Variants in MGAT5 observed in about 807,000 individuals in gnomAD.
The protein encoded by MGAT5 is alpha-1,6-mannosylglycoprotein 6-beta-N-acetylglucosaminyltransferase.
In MGAT5, 30 loss-of-function variants were observed where a neutral mutation model predicts 94.3. That is an observed-to-expected ratio of 0.32 (90% CI 0.24 to 0.43). The LOEUF is 0.43. Among genes scored for constraint, MGAT5 ranks in the 20% least tolerant of loss-of-function variants. MGAT5 has a pLI of 1.00. For missense variants in MGAT5, 691 were observed against 905.5 expected, an observed-to-expected ratio of 0.76 and a Z score of 3.04; for synonymous variants, 310 against 322.9, an observed-to-expected ratio of 0.96 and a Z score of 0.43.
intron 1 of MGAT5, among the ~76,000 whole-genome samples, chr2:134,237,298 G>A (rs1357874218): frequency 6.6e-6 from 1 of 152,146 alleles, no homozygotes; most frequent in Non-Finnish European, 1.5e-5. Flanking sequence ...CAGCCATTCT[G>A]GATTCTACTC....
At chr2:134,378,617 C>CT (rs70973450) in intron 10 of MGAT5, among the ~76,000 whole-genome samples, 70,507 of 139,618 alleles carry the variant, frequency 0.5, 19,488 homozygotes, top group African/African-American at 0.71. Context: ...ATCTGGATTA[C>CT]TTTTTTTTTT....
intron 1 of MGAT5, among the ~76,000 whole-genome samples, chr2:134,140,244 G>C (rs1158048590): frequency 1.3e-5 from 2 of 152,248 alleles, no homozygotes; most frequent in African/African-American, 4.8e-5. Flanking sequence ...AGAGAGGCAT[G>C]AGAAGGCAAA....
In MGAT5 at chr2:134,167,499, T is replaced by G. The variant is rs1019038900; in HGVS notation, c.-143+47208T>G. Among the ~76,000 whole-genome samples, 85 of 152,140 alleles carry G rather than the reference T, an allele frequency of 5.6e-4. 1 individual carries two copies. The highest frequency in any genetic ancestry group is 2.0e-3 in the African/African-American group (81 of 41,500). Reference sequence around the variant, plus strand: ...CCGATTGAGTGGGCCTGTGGCAGGGTCTTAGATTTTTGCATTCATACCTTC... The same window carrying G: ...CCGATTGAGTGGGCCTGTGGCAGGGGCTTAGATTTTTGCATTCATACCTTC... On this transcript the variant is annotated intron_variant, in intron 1 of 16. Coordinates refer to the MGAT5 transcript ENST00000409645.
chr2:134,392,258 A>G (rs983086202), intron 10 of MGAT5, among the ~76,000 whole-genome samples: 1 of 152,204 alleles, frequency 6.6e-6, no homozygotes, highest in Non-Finnish European at 1.5e-5. Context: ...TTTAGATTGG[A>G]AGGTACTCTA....
intron 2 of MGAT5, among the ~76,000 whole-genome samples, chr2:134,313,038 A>C (rs1686776293): frequency 9.3e-4 from 1 of 1,080 alleles, no homozygotes; most frequent in African/African-American, 1.5e-3. Context: ...CAAGAAATAA[A>C]CACACACACA....
chr2:134,269,907 A>C (rs534350068), intron 1 of MGAT5, among the ~76,000 whole-genome samples: 1 of 152,266 alleles, frequency 6.6e-6, no homozygotes, highest in Non-Finnish European at 1.5e-5. Flanking sequence ...TGTAGCTTTT[A>C]TGAAGTGTTA....
chr2:134,358,260 A>G (rs746787569), intron 9 of MGAT5, among the ~76,000 whole-genome samples: 2 of 151,124 alleles, frequency 1.3e-5, no homozygotes, highest in Non-Finnish European at 2.9e-5. Flanking sequence ...ATAATTCAAT[A>G]TTTTGAGGGG....
chr2:134,437,608 C>T (rs1030346285), intron 14 of MGAT5, among the ~76,000 whole-genome samples: 14 of 152,132 alleles, frequency 9.2e-5, no homozygotes, highest in African/African-American at 3.1e-4. Context: ...GTCTAGATTT[C>T]CCGGTTGACT....
At chr2:134,344,124 A>C (rs547686820) in intron 7 of MGAT5, among the ~76,000 whole-genome samples, 6 of 152,336 alleles carry the variant, frequency 3.9e-5, no homozygotes, top group Admixed American at 3.3e-4. Flanking sequence ...GATAAGCAAC[A>C]GTGGTGACTG....
chr2:134,235,821 AT>A (rs1456207794), intron 1 of MGAT5, among the ~76,000 whole-genome samples: 2 of 151,470 alleles, frequency 1.3e-5, no homozygotes, highest in Non-Finnish European at 2.9e-5. Context: ...GATTTAGTGT[AT>A]TTGAGGCAAG....
upstream of MGAT5, among the ~76,000 whole-genome samples, chr2:134,249,950 A>C (rs1280095069): frequency 2.0e-5 from 3 of 152,206 alleles, no homozygotes; most frequent in Admixed American, 6.5e-5. Context: ...TGTCCTTATG[A>C]GTGTGAAGTT....
chr2:134,224,686 T>G (rs1680964363), intron 1 of MGAT5, among the ~76,000 whole-genome samples: 1 of 151,578 alleles, frequency 6.6e-6, no homozygotes, highest in African/African-American at 2.4e-5. Flanking sequence ...TGGTAGAGAG[T>G]TTTCTGCCTG....
chr2:134,296,053 T>C lies in MGAT5; in HGVS notation c.407-21476T>C, dbSNP rs963983398. On this transcript the variant is annotated intron_variant, in intron 2 of 15. Transcript: ENST00000281923. Reference sequence around the variant, plus strand: ...CAAACATGTTTGTTCTTATTTGAATTTTGACTCTTGAAATACTGTGATCTT... The same window carrying C: ...CAAACATGTTTGTTCTTATTTGAATCTTGACTCTTGAAATACTGTGATCTT... Among the ~76,000 whole-genome samples, 58 of 152,144 alleles carry C rather than the reference T, an allele frequency of 3.8e-4. 1 individual carries two copies. Among genetic ancestry groups the C allele is most frequent in the African/African-American group, 1.4e-3 (57 of 41,440 alleles).
intron 10 of MGAT5, among the ~76,000 whole-genome samples, chr2:134,378,197 T>C (rs1681306553): frequency 6.6e-6 from 1 of 152,188 alleles, no homozygotes; most frequent in South Asian, 2.1e-4. Context: ...GGAAGTGTTT[T>C]ATATCTGGTT....
chr2:134,170,169 A>G (rs889110739), intron 1 of MGAT5, among the ~76,000 whole-genome samples: 3 of 152,228 alleles, frequency 2.0e-5, no homozygotes, highest in Non-Finnish European at 2.9e-5. Flanking sequence ...CTACTCATGA[A>G]TGAAGTGCTC....
chr2:134,374,592 G>A (rs563202220), intron 10 of MGAT5, among the ~76,000 whole-genome samples: 3 of 152,242 alleles, frequency 2.0e-5, no homozygotes, highest in Admixed American at 2.0e-4. Flanking sequence ...GTTTAGCATC[G>A]ATACACAATT....
At chr2:134,301,028 G>T (rs1685983377) in intron 2 of MGAT5, among the ~76,000 whole-genome samples, 1 of 151,994 alleles carries the variant, frequency 6.6e-6, no homozygotes, top group Non-Finnish European at 1.5e-5. Flanking sequence ...CATTCAGTCT[G>T]CATCCCCCAT....
At chr2:134,199,349 C>T (rs899630851) in intron 1 of MGAT5, among the ~76,000 whole-genome samples, 14 of 152,232 alleles carry the variant, frequency 9.2e-5, no homozygotes, top group African/African-American at 2.9e-4. Context: ...GCTGAAGTCT[C>T]GGAGGGAGTC....
At chr2:134,308,185 C>T (rs527610171) in intron 2 of MGAT5, among the ~76,000 whole-genome samples, 15 of 152,266 alleles carry the variant, frequency 9.9e-5, no homozygotes, top group South Asian at 4.2e-4. Flanking sequence ...ATCATTATTA[C>T]GCTGTTCTTC....
Sources: gnomAD v4.1 joint callset for allele counts (sites outside exome capture counted in the v4.1 genomes callset) on GRCh38, gnomAD v4.1.1 for gene constraint, MANE v1.5 for transcripts, NCBI Gene and HGNC (gene_info 2026-07-23, HGNC 2026-07-21) for gene names.